Variants in RBFOX1 observed in about 807,000 individuals in gnomAD.
RBFOX1 encodes the protein RNA binding protein fox-1 homolog 1.
In RBFOX1, 8 loss-of-function variants were observed where a neutral mutation model predicts 57.7. The observed-to-expected ratio is 0.14, with a 90% CI of 0.08 to 0.25. RBFOX1 has a LOEUF of 0.25. Among genes scored for constraint, RBFOX1 ranks in the 10% least tolerant of loss-of-function variants. The probability of loss-of-function intolerance (pLI) is 1.00; values close to 1 mark genes in which losing one functional copy is unlikely to be tolerated. For synonymous variants in RBFOX1, 326 were observed against 222.4 expected (o/e 1.47, Z -4.15); for missense variants, 611 against 548.5 (o/e 1.11, Z -1.14).
intron 2 of RBFOX1, among the ~76,000 whole-genome samples, chr16:6,642,845 C>T (rs766660814): frequency 6.6e-6 from 1 of 152,164 alleles, no homozygotes; most frequent in Non-Finnish European, 1.5e-5. Flanking sequence ...ATAAAGTCAG[C>T]AGCTCTGCCC....
At chr16:6,648,220 C>A (rs559287372) in intron 2 of RBFOX1, among the ~76,000 whole-genome samples, 3 of 151,984 alleles carry the variant, frequency 2.0e-5, no homozygotes, top group African/African-American at 7.2e-5. Flanking sequence ...TAATTTTTTT[C>A]TTCTTTATTA....
chr16:6,179,780 A>G (rs1009917224), intron 1 of RBFOX1, among the ~76,000 whole-genome samples: 1 of 152,226 alleles, frequency 6.6e-6, no homozygotes, highest in Non-Finnish European at 1.5e-5. Flanking sequence ...AAAACACATT[A>G]TCTTTCATAG....
chr16:7,575,314 T>C (rs1037069829), intron 5 of RBFOX1, among the ~76,000 whole-genome samples: 8 of 152,090 alleles, frequency 5.3e-5, no homozygotes, highest in Non-Finnish European at 7.3e-5. Flanking sequence ...TTTGCACTTT[T>C]AGTAGAGACG....
chr16:5,730,793 C>T (rs754664317), intron 3 of RBFOX1, among the ~76,000 whole-genome samples: 4 of 151,342 alleles, frequency 2.6e-5, no homozygotes, highest in Non-Finnish European at 4.4e-5. Flanking sequence ...ATGTTAACAC[C>T]ATTACCACCA....
At chr16:6,006,464 A>G (rs1262940187) in intron 4 of RBFOX1, among the ~76,000 whole-genome samples, 6 of 152,212 alleles carry the variant, frequency 3.9e-5, no homozygotes, top group Non-Finnish European at 7.3e-5. Context: ...ATTGGAGGGC[A>G]TTTTGATGCA....
intron 2 of RBFOX1, among the ~76,000 whole-genome samples, chr16:5,470,799 C>A (rs1207239695): frequency 6.6e-6 from 1 of 152,062 alleles, no homozygotes; most frequent in Admixed American, 6.6e-5. Flanking sequence ...CTAGAGGCTT[C>A]TCCAGGCTCC....
At chr16:7,701,294 AGGT>A (rs2080621196) in intron 14 of RBFOX1, among the ~76,000 whole-genome samples, 1 of 152,020 alleles carries the variant, frequency 6.6e-6, no homozygotes, top group Admixed American at 6.5e-5. Context: ...GACACACAGC[AGGT>A]GGTGAGCGGG....
intron 2 of RBFOX1, among the ~76,000 whole-genome samples, chr16:6,507,316 A>C (rs1244555411): frequency 6.6e-6 from 1 of 152,130 alleles, no homozygotes; most frequent in East Asian, 1.9e-4. Context: ...GAAGCAACTC[A>C]AATTAAATGG....
chr16:7,623,127 G>A (rs988202185), intron 10 of RBFOX1, among the ~76,000 whole-genome samples: 7 of 152,132 alleles, frequency 4.6e-5, no homozygotes, highest in Non-Finnish European at 8.8e-5. Context: ...TCATTATAAG[G>A]TAGGAAGGTG....
At chr16:7,445,234 A>G (rs2098799196) in intron 4 of RBFOX1, among the ~76,000 whole-genome samples, 1 of 152,112 alleles carries the variant, frequency 6.6e-6, no homozygotes, top group Non-Finnish European at 1.5e-5. Flanking sequence ...GTATGAGTAA[A>G]ATGAACAGTG....
chr16:6,328,151 C>T (rs531188418), intron 2 of RBFOX1, among the ~76,000 whole-genome samples: 18 of 152,170 alleles, frequency 1.2e-4, no homozygotes, highest in East Asian at 5.8e-4. Context: ...GCAACCTGGA[C>T]GGGATTGGAG....
chr16:5,484,947 T>G (rs1220292337), intron 2 of RBFOX1, among the ~76,000 whole-genome samples: 1 of 151,442 alleles, frequency 6.6e-6, no homozygotes, highest in Non-Finnish European at 1.5e-5. Context: ...TAGTCTCAGC[T>G]ACTTGGGAGT....
intron 14 of RBFOX1, among the ~76,000 whole-genome samples, chr16:7,695,649 C>CAAAAAAAAAAAAAAAAAA: frequency 1.0e-5 from 1 of 98,400 alleles, no homozygotes; most frequent in Non-Finnish European, 1.9e-5. Context: ...AAGCCTCCAT[C>CAAAAAAAAAAAAAAAAAA]AAAAAAAAAA....
At chr16:6,982,845 T>G (rs961900149) in intron 3 of RBFOX1, among the ~76,000 whole-genome samples, 48 of 151,790 alleles carry the variant, frequency 3.2e-4, no homozygotes, top group African/African-American at 1.1e-3. Flanking sequence ...ATACAAAAAT[T>G]AGCTGGGCAT....
At chr16:5,864,749 C>T (rs1221167754) in intron 3 of RBFOX1, among the ~76,000 whole-genome samples, 1 of 152,082 alleles carries the variant, frequency 6.6e-6, no homozygotes, top group Non-Finnish European at 1.5e-5. Context: ...ACATTCAGAT[C>T]ATGTATGTGT....
At chr16:6,328,770 T>C (rs758410430) in intron 2 of RBFOX1, among the ~76,000 whole-genome samples, 71 of 152,270 alleles carry the variant, frequency 4.7e-4, no homozygotes, top group Non-Finnish European at 4.0e-4. Flanking sequence ...CTGTTAGGGA[T>C]AAACCTTTTA....
chr16:6,524,290 C>G (rs1244792571), intron 2 of RBFOX1, among the ~76,000 whole-genome samples: 1 of 152,178 alleles, frequency 6.6e-6, no homozygotes, highest in Non-Finnish European at 1.5e-5. Context: ...ACAATGATCT[C>G]CAGTTCATTC....
Position 6,456,151 on chromosome 16 carries a change from G to A in RBFOX1, c.-64+139094G>A, listed in dbSNP as rs76474906. Reference sequence around the variant, plus strand: ...TTGCTGGGGTTTTGATAGATGCTGGGGAGTGGAGGGAGAAAGATATAAATA... The same window carrying A: ...TTGCTGGGGTTTTGATAGATGCTGGAGAGTGGAGGGAGAAAGATATAAATA... On this transcript the variant is annotated intron_variant, in intron 2 of 15. Transcript: ENST00000550418. Among the ~76,000 whole-genome samples, 200 of 152,262 alleles carry A rather than the reference G, an allele frequency of 1.3e-3. No homozygotes were observed. In the East Asian group the frequency reaches 0.014, roughly 11 times the overall value.
At chr16:7,503,363 GATCA>G (rs1600205497) in intron 4 of RBFOX1, among the ~76,000 whole-genome samples, 1 of 152,100 alleles carries the variant, frequency 6.6e-6, no homozygotes, top group Non-Finnish European at 1.5e-5. Flanking sequence ...ACATTCGATC[GATCA>G]ATTTCCTCCT....
Sources: gnomAD v4.1 joint callset for allele counts (sites outside exome capture counted in the v4.1 genomes callset) on GRCh38, gnomAD v4.1.1 for gene constraint, MANE v1.5 for transcripts, NCBI Gene and HGNC (gene_info 2026-07-23, HGNC 2026-07-21) for gene names.